Variants in ALCAM observed in about 807,000 individuals in gnomAD.
The protein encoded by ALCAM is activated leukocyte cell adhesion molecule, also known as CD166 antigen.
ALCAM carries 30 observed loss-of-function variants against 70.9 expected under a neutral mutation model. That is an observed-to-expected ratio of 0.42 (90% CI 0.32 to 0.57). The LOEUF (loss-of-function observed/expected upper bound fraction) is 0.57. Among genes scored for constraint, ALCAM ranks in the 20% least tolerant of loss-of-function variants. The pLI is 0.11. For missense variants in ALCAM, 591 were observed against 695.1 expected (o/e 0.85, Z 1.68); for synonymous variants, 249 against 242.5 (o/e 1.03, Z -0.25).
At chr3:105,543,331 T>C (rs1940169467) in intron 8 of ALCAM, among the ~76,000 whole-genome samples, 1 of 151,712 alleles carries the variant, frequency 6.6e-6, no homozygotes, top group Admixed American at 6.6e-5. Flanking sequence ...TAATTAGATT[T>C]AAATGCATCT....
chr3:105,368,867 G>T (rs1016144507), intron 1 of ALCAM, among the ~76,000 whole-genome samples: 1 of 152,140 alleles, frequency 6.6e-6, no homozygotes, highest in African/African-American at 2.4e-5. Context: ...GAAAAAAAAG[G>T]CGTCTGCGTT....
At chr3:105,574,313 A>G (rs1940917755) in intron 15 of ALCAM, among the ~76,000 whole-genome samples, 164 bp from the exon 16 acceptor site, 1 of 152,172 alleles carries the variant, frequency 6.6e-6, no homozygotes, top group South Asian at 2.1e-4. Flanking sequence ...TGTAGAATGG[A>G]TGAAGCAATG....
At chr3:105,517,008 A>G (rs1280225462) in intron 1 of ALCAM, among the ~76,000 whole-genome samples, 1 of 152,224 alleles carries the variant, frequency 6.6e-6, no homozygotes, top group Non-Finnish European at 1.5e-5. Flanking sequence ...TGTTTCTTCT[A>G]TGAAAAATGT....
rs1236924866 is a variant in ALCAM at position 105,494,978 on chromosome 3, T to C, written c.74-25089T>C. 3.3e-5 allele frequency among the ~76,000 whole-genome samples: 5 copies of C among 152,246 alleles called. No individual in the cohort carries two copies. In the East Asian group the frequency reaches 9.6e-4, roughly 29 times the overall value. On this transcript the variant is annotated intron_variant, in intron 1 of 15. Coordinates refer to ENST00000306107, the MANE Select transcript of ALCAM (RefSeq NM_001627.4). ...ACCTGGACCACTGTTTTCTCTTTAC[T>C]CTTATGATGCCCCCATTTATCTTAA... is the stretch of plus-strand genomic sequence containing the variant.
At chr3:105,382,962 C>T (rs1935565000) in intron 1 of ALCAM, among the ~76,000 whole-genome samples, 1 of 151,726 alleles carries the variant, frequency 6.6e-6, no homozygotes. Flanking sequence ...TCTTACATTT[C>T]TCAGAACAAT....
chr3:105,376,969 T>A (rs1472614538), intron 1 of ALCAM, among the ~76,000 whole-genome samples: 1 of 152,182 alleles, frequency 6.6e-6, no homozygotes, highest in African/African-American at 2.4e-5. Context: ...GCAATCTCCC[T>A]AATTGACTTG....
At chr3:105,454,434 A>C (rs1937505304) in intron 1 of ALCAM, among the ~76,000 whole-genome samples, 1 of 152,086 alleles carries the variant, frequency 6.6e-6, no homozygotes, top group African/African-American at 2.4e-5. Context: ...TCAGAATATT[A>C]TCTCTCCCCA....
intron 5 of ALCAM, 27 bp from the exon 6 acceptor site, chr3:105,534,636 A>T: frequency 6.3e-7 from 1 of 1,597,508 alleles, no homozygotes; most frequent in Non-Finnish European, 8.6e-7. Context: ...GAAAGACCCT[A>T]TCATCAGTGT....
intron 1 of ALCAM, among the ~76,000 whole-genome samples, chr3:105,423,844 A>G (rs115890532): frequency 0.015 from 2,331 of 151,812 alleles, 26 homozygotes; most frequent in Middle Eastern, 0.048. Context: ...GCTAGAGAAA[A>G]GAGCCTAATC....
intron 1 of ALCAM, among the ~76,000 whole-genome samples, chr3:105,446,302 G>A (rs1190484122): frequency 2.6e-5 from 4 of 152,024 alleles, no homozygotes; most frequent in South Asian, 2.1e-4. Flanking sequence ...TAGAATGACT[G>A]TTATCACAAA....
At chr3:105,428,942 G>A (rs1184393208) in intron 1 of ALCAM, among the ~76,000 whole-genome samples, 10 of 151,614 alleles carry the variant, frequency 6.6e-5, no homozygotes, top group Admixed American at 5.9e-4. Context: ...CCATCATATT[G>A]GGCACAAAAG....
At chr3:105,496,658 T>G (rs999952939) in intron 1 of ALCAM, among the ~76,000 whole-genome samples, 1 of 152,188 alleles carries the variant, frequency 6.6e-6, no homozygotes, top group Admixed American at 6.5e-5. Flanking sequence ...TCTTTTGACA[T>G]TCTTGGTGTT....
rs1164760720 is a variant in ALCAM at position 105,529,649 on chromosome 3, A to T, written c.395-2353A>T. ...AAAGACGAATCATAATGTAAACAGG[A>T]TTAAGCTTTAAACATCCTTTCATCA... On this transcript the variant is annotated intron_variant, in intron 3 of 15. Transcript: ENST00000306107. 5.9e-5 allele frequency among the ~76,000 whole-genome samples: 9 copies of T among 152,260 alleles called. No individual in the cohort carries two copies. In the East Asian group the frequency reaches 1.5e-3, roughly 26 times the overall value.
intron 3 of ALCAM, among the ~76,000 whole-genome samples, chr3:105,528,020 G>A (rs1939750098): frequency 6.6e-6 from 1 of 152,160 alleles, no homozygotes; most frequent in African/African-American, 2.4e-5. Flanking sequence ...GCTCACAGTA[G>A]TTGGCTTAAA....
At chr3:105,408,215 A>G (rs1299944247) in intron 1 of ALCAM, among the ~76,000 whole-genome samples, 2 of 152,018 alleles carry the variant, frequency 1.3e-5, no homozygotes, top group Non-Finnish European at 2.9e-5. Flanking sequence ...AAAAAAACTT[A>G]AAAGTCATAT....
intron 1 of ALCAM, among the ~76,000 whole-genome samples, chr3:105,427,887 A>G (rs1427284473): frequency 6.6e-6 from 1 of 151,998 alleles, no homozygotes; most frequent in Non-Finnish European, 1.5e-5. Context: ...TACACAGAGA[A>G]AGTTTCCAGA....
intron 14 of ALCAM, among the ~76,000 whole-genome samples, chr3:105,555,127 A>G (rs189395808): frequency 1.3e-4 from 20 of 152,048 alleles, no homozygotes; most frequent in African/African-American, 4.6e-4. Context: ...GGATAAATAT[A>G]TGCTGGACAC....
At chr3:105,379,750 G>A (rs1251040903) in intron 1 of ALCAM, among the ~76,000 whole-genome samples, 1 of 151,658 alleles carries the variant, frequency 6.6e-6, no homozygotes, top group Non-Finnish European at 1.5e-5. Flanking sequence ...ATTTTCCAAT[G>A]ACCTCTAATT....
At chr3:105,428,247 A>T (rs1245796378) in intron 1 of ALCAM, among the ~76,000 whole-genome samples, 4 of 151,922 alleles carry the variant, frequency 2.6e-5, no homozygotes, top group Non-Finnish European at 4.4e-5. Context: ...TCCTTCTTAC[A>T]GAACAGTGAT....
Sources: gnomAD v4.1 joint callset for allele counts (sites outside exome capture counted in the v4.1 genomes callset) on GRCh38, gnomAD v4.1.1 for gene constraint, MANE v1.5 for transcripts, NCBI Gene and HGNC (gene_info 2026-07-23, HGNC 2026-07-21) for gene names.